Variants in GNG2 observed in about 807,000 individuals in gnomAD.
GNG2 encodes the protein G protein subunit gamma 2.
GNG2 carries 5 observed loss-of-function variants against 5.5 expected under a neutral mutation model. The observed-to-expected ratio is 0.91, with a 90% confidence interval of 0.48 to 1.92. GNG2 has a LOEUF of 1.92. GNG2 is among the 30% of genes most tolerant of loss of function. The probability of loss-of-function intolerance (pLI) is 0.01; values close to 1 mark genes in which losing one functional copy is unlikely to be tolerated. For missense variants in GNG2, 55 were observed against 88.4 expected (o/e 0.62, Z 1.52); for synonymous variants, 28 against 32.0 (o/e 0.88, Z 0.42).
intron 2 of GNG2, chr14:51,913,375 G>A (rs1474513736): frequency 6.6e-6 from 1 of 152,200 alleles, no homozygotes; most frequent in African/African-American, 2.4e-5. Flanking sequence ...ATTAGCCAGT[G>A]TGGTGGCTTG....
At chr14:51,896,659 C>T (rs973663494) in intron 2 of GNG2, among the ~76,000 whole-genome samples, 1 of 152,104 alleles carries the variant, frequency 6.6e-6, no homozygotes, top group Non-Finnish European at 1.5e-5. Context: ...ATTTGATTTA[C>T]ATAGAAATAA....
At chr14:51,885,295 A>G (rs541095854) in intron 2 of GNG2, among the ~76,000 whole-genome samples, 1 of 151,588 alleles carries the variant, frequency 6.6e-6, no homozygotes, top group East Asian at 2.0e-4. Context: ...ATTGTAAAAT[A>G]TGACACAAAT....
chr14:51,872,892 T>C (rs1257213233), intron 1 of GNG2, among the ~76,000 whole-genome samples: 3 of 152,256 alleles, frequency 2.0e-5, no homozygotes, highest in Admixed American at 6.5e-5. Flanking sequence ...TATTCTTTTA[T>C]AACACTTTAC....
At chr14:51,880,979 A>AC (rs1198548949) in intron 2 of GNG2, among the ~76,000 whole-genome samples, 7 of 150,994 alleles carry the variant, frequency 4.6e-5, no homozygotes, top group South Asian at 4.2e-4. Context: ...AAAAAAAAAA[A>AC]AAAAAAAAAC....
Position 51,851,595 on chromosome 14 carries a change from T to C in GNG2, c.64+23788T>C, listed in dbSNP as rs915767124. ...TGTTCTTTTCCTACAGACTTAAGGGTAGAAAGATGTTTTTATTTTCCCATC... is the reference window on the plus strand; with the variant it reads ...TGTTCTTTTCCTACAGACTTAAGGGCAGAAAGATGTTTTTATTTTCCCATC... On this transcript the variant is annotated intron_variant, in intron 2 of 3. Transcript: ENST00000553432. Among the ~76,000 whole-genome samples, 5 of 152,346 alleles carry C rather than the reference T, an allele frequency of 3.3e-5. No individual in the cohort carries two copies. In the South Asian group the frequency reaches 1.0e-3, roughly 32 times the overall value.
upstream of GNG2, among the ~76,000 whole-genome samples, chr14:51,855,488 T>C (rs1395383654): frequency 6.6e-6 from 1 of 152,232 alleles, no homozygotes; most frequent in Non-Finnish European, 1.5e-5. Flanking sequence ...AGATCATGAT[T>C]ATATCTTTTT....
intron 1 of GNG2, among the ~76,000 whole-genome samples, chr14:51,826,895 A>G (rs957946790): frequency 6.6e-6 from 1 of 152,220 alleles, no homozygotes; most frequent in Non-Finnish European, 1.5e-5. Flanking sequence ...ACAGAATGAG[A>G]TGGCTATGAG....
chr14:51,873,371 G>A (rs1883433501), intron 1 of GNG2, among the ~76,000 whole-genome samples: 1 of 152,220 alleles, frequency 6.6e-6, no homozygotes, highest in South Asian at 2.1e-4. Flanking sequence ...GAGTTGGCTT[G>A]CTTATGTTCC....
At position 51,860,799 on chromosome 14, in the gene GNG2, A is replaced by T. The variant is rs1882422017; in HGVS notation, c.-71+9A>T. 1 of 152,216 alleles carries T rather than the reference A, an allele frequency of 6.6e-6. No homozygotes were observed. Among genetic ancestry groups the T allele is most frequent in the South Asian group, 2.1e-4 (1 of 4,830 alleles). 9.4% of individuals were successfully genotyped at this position (152,216 alleles called of 1,614,324 possible). ...AAGCCTCGGGAGCTAAGGTAAATGA[A>T]ACGTTTTCCATGTTGCTCGTTTTTA... On this transcript the variant is annotated intron_variant, in intron 1 of 3. Coordinates refer to ENST00000556766, the MANE Select transcript of GNG2 (RefSeq NM_053064.5).
chr14:51,924,281 T>C (rs1288040476), intron 2 of GNG2, among the ~76,000 whole-genome samples: 6 of 152,154 alleles, frequency 3.9e-5, no homozygotes, highest in African/African-American at 1.2e-4. Flanking sequence ...CAAAATGGCA[T>C]ACTATACATG....
At chr14:51,934,559 A>T (rs548416578) in intron 2 of GNG2, among the ~76,000 whole-genome samples, 1 of 152,278 alleles carries the variant, frequency 6.6e-6, no homozygotes, top group South Asian at 2.1e-4. Context: ...CAGAGGGGGA[A>T]ACTGAGGCCC....
chr14:51,952,836 C>T (rs958030378), intron 3 of GNG2, among the ~76,000 whole-genome samples: 1 of 152,148 alleles, frequency 6.6e-6, no homozygotes, highest in Non-Finnish European at 1.5e-5. Context: ...TTCCATATTC[C>T]TTCCAAATAT....
intron 2 of GNG2, 92 bp from the exon 3 acceptor site, chr14:51,950,558 C>G: frequency 2.7e-6 from 2 of 752,600 alleles, no homozygotes; most frequent in South Asian, 3.5e-5. Context: ...TGGCTACAGC[C>G]ACTGCTTTGA....
In GNG2 at chr14:51,966,992, T is replaced by A. The variant is rs1260968559; in HGVS notation, c.*305T>A. The stretch of plus-strand genomic sequence containing the variant: ...CCCCCCAAAATCCTCATGTTTCTGC[T>A]TCATATTTTGAAAAATAACAATTAA... On this transcript the variant is annotated 3_prime_UTR_variant, in exon 4 of 4. Transcript: ENST00000556766. 2 of 155,038 alleles carry A rather than the reference T, an allele frequency of 1.3e-5. No homozygotes were observed. The highest frequency in any genetic ancestry group is 2.5e-5 in the Non-Finnish European group (2 of 80,278). The allele number at this position is 155,038 out of a possible 1,614,324, so 9.6% of individuals were successfully genotyped here.
intron 2 of GNG2, among the ~76,000 whole-genome samples, chr14:51,888,166 A>G (rs1257185321): frequency 7.9e-5 from 12 of 152,080 alleles, no homozygotes; most frequent in African/African-American, 1.9e-4. Flanking sequence ...CTCCATCTCA[A>G]TGTAATTACA....
At chr14:51,890,867 G>C (rs987387387) in intron 2 of GNG2, among the ~76,000 whole-genome samples, 4 of 135,994 alleles carry the variant, frequency 2.9e-5, no homozygotes, top group East Asian at 2.1e-4. Flanking sequence ...AAACAAACAA[G>C]TTTATTAACA....
intron 2 of GNG2, among the ~76,000 whole-genome samples, chr14:51,886,682 C>T (rs1884480549): frequency 6.6e-6 from 1 of 152,110 alleles, no homozygotes; most frequent in Admixed American, 6.5e-5. Flanking sequence ...GAGCTGTGGC[C>T]TCCAGGAAAG....
intron 2 of GNG2, among the ~76,000 whole-genome samples, chr14:51,926,436 G>A (rs1035580486): frequency 6.6e-6 from 1 of 152,212 alleles, no homozygotes; most frequent in African/African-American, 2.4e-5. Flanking sequence ...ACTGTAGAAT[G>A]AGTTTTGGAC....
intron 2 of GNG2, among the ~76,000 whole-genome samples, chr14:51,914,511 T>C (rs1056503935): frequency 6.6e-6 from 1 of 152,218 alleles, no homozygotes; most frequent in African/African-American, 2.4e-5. Context: ...AATTACCTAA[T>C]AGTAATGAGG....
Sources: allele counts gnomAD v4.1 joint callset (sites outside exome capture counted in the v4.1 genomes callset), GRCh38; gene constraint gnomAD v4.1.1; transcripts MANE v1.5; gene names NCBI Gene and HGNC (gene_info 2026-07-23, HGNC 2026-07-21).